STAG2: variants seen among roughly 807,000 people sequenced by gnomAD.
The protein encoded by STAG2 is cohesin subunit SA-2.
Under a neutral mutation model 108.1 loss-of-function variants are expected in STAG2, and 14 were observed. That is an observed-to-expected ratio of 0.13 (90% confidence interval 0.09 to 0.20). STAG2 has a LOEUF of 0.20. Among genes scored for constraint, STAG2 ranks in the 10% least tolerant of loss-of-function variants. The pLI, the probability that STAG2 is intolerant of heterozygous loss-of-function variation, is 1.00. For synonymous variants in STAG2, 307 were observed against 302.7 expected (o/e 1.01, Z -0.15); for missense variants, 440 against 940.9 (o/e 0.47, Z 6.96).
intron 15 of STAG2, 105 bp from the exon 16 acceptor site, chrX:124,061,119 T>C (rs2058364678): frequency 2.0e-6 from 1 of 511,918 alleles, no homozygotes; most frequent in East Asian, 3.8e-5. Flanking sequence ...AAAAAATAGA[T>C]TGCTGTTTGA....
intron 30 of STAG2, among the ~76,000 whole-genome samples, chrX:124,088,140 A>G (rs2059151256): frequency 9.0e-6 from 1 of 111,694 alleles, no homozygotes; most frequent in Non-Finnish European, 1.9e-5. Context: ...ACTAGTAGTT[A>G]ATAGTTATAG....
At chrX:124,026,137 T>TAAA (rs2057092243) in intron 4 of STAG2, among the ~76,000 whole-genome samples, 1 of 71,882 alleles carries the variant, frequency 1.4e-5, no homozygotes, top group South Asian at 6.1e-4. Context: ...CAAATAATAA[T>TAAA]AATAATAATA....
intron 1 of STAG2, among the ~76,000 whole-genome samples, chrX:123,997,833 G>T (rs1430349752): frequency 8.9e-6 from 1 of 111,899 alleles, no homozygotes; most frequent in East Asian, 2.8e-4. Context: ...TAGAGACAAG[G>T]TTTCACCATG....
Position 124,085,667 on chromosome X carries a change from CAGG to C in STAG2, c.3054-876_3054-874del, listed in dbSNP as rs749568577. 1.0e-4 allele frequency among the ~76,000 whole-genome samples: 11 copies of C among 106,893 alleles called. No homozygotes were observed. The East Asian group carries it at 2.6e-3, about 26-fold the overall frequency. The allele number at this position is 106,893 out of a possible 115,157, so 92.8% of individuals were successfully genotyped here. On this transcript the variant is annotated intron_variant, in intron 29 of 34. Transcript: ENST00000371145. ...GTGTGCACCTGTAATCCCAGCTACT[CAGG>C]AGGCCGAGGCAGGAGAATCGCTTGA... is the stretch of plus-strand genomic sequence containing the variant.
chrX:124,056,286 T>C, intron 14 of STAG2, 51 bp downstream of exon 14: 1 of 853,092 alleles, frequency 1.2e-6, no homozygotes, highest in African/African-American at 2.0e-5. Context: ...TTCATAACAG[T>C]AATTTGTTAT....
At position 124,071,256 on chromosome X, in the gene STAG2, G is replaced by A; in HGVS notation, c.2466G>A (p.Gln822=). 3 of 1,206,433 alleles carry A rather than the reference G, an allele frequency of 2.5e-6. No homozygotes were observed. The highest frequency in any genetic ancestry group is 3.4e-6 in the Non-Finnish European group (3 of 893,307). ...TGTATACCCCTGATTCTTCATTGCAGTCTGAGTTGCTCAGCTTTATTTTGG... is the reference window on the plus strand; with the variant it reads ...TGTATACCCCTGATTCTTCATTGCAATCTGAGTTGCTCAGCTTTATTTTGG... ...PLVYTPDSSL[Q]SELLSFILDH... is the part of the protein sequence containing the mutation. Residue 822 remains glutamine, a synonymous_variant, in exon 25 of 35, where the codon CAG becomes CAA. Transcript: ENST00000371145.
rs751481230 is a variant in STAG2 at position 123,979,808 on chromosome X, G to C, written c.-163+17952G>C. Among the ~76,000 whole-genome samples, 176 of 111,666 alleles carry C rather than the reference G, an allele frequency of 1.6e-3. 1 individual carries two copies. The highest frequency in any genetic ancestry group is 2.0e-3 in the Non-Finnish European group (108 of 53,137). On this transcript the variant is annotated intron_variant, in intron 1 of 34. Coordinates refer to ENST00000371145, the MANE Select transcript of STAG2 (RefSeq NM_001042750.2). ...TGACCATTTATAGTGTATTTGTGAT[G>C]ATCACAGCATAGAGCTTGATGTGAA...
At chrX:123,970,118 A>G (rs1260177440) in intron 1 of STAG2, among the ~76,000 whole-genome samples, 1 of 109,166 alleles carries the variant, frequency 9.2e-6, no homozygotes. Flanking sequence ...ATATGTTTAT[A>G]TTGATCATTC....
At chrX:124,039,221 T>C (rs181811206) in intron 6 of STAG2, among the ~76,000 whole-genome samples, 127 of 108,434 alleles carry the variant, frequency 1.2e-3, no homozygotes, top group African/African-American at 4.1e-3. Flanking sequence ...AGTGTCGTGA[T>C]CATGGCTCAC....
rs769864845 is a variant in STAG2 at position 124,086,562 on chromosome X, A to G, written c.3069A>G (p.Glu1023=). The change falls in exon 30 of 35, where the codon GAA becomes GAG. Residue 1023 remains glutamate, a synonymous_variant. Coordinates refer to ENST00000371145, the MANE Select transcript of STAG2 (RefSeq NM_001042750.2). ...QDKRTVYVYL[E]KFMTFQMSLR... is the part of the protein sequence containing the mutation. Reference sequence around the variant, plus strand: ...TCTTTTCAAGGTATGTTTACTTGGAAAAGTTCATGACCTTTCAGATGTCAC... The same window carrying G: ...TCTTTTCAAGGTATGTTTACTTGGAGAAGTTCATGACCTTTCAGATGTCAC... 10 of 1,205,467 alleles carry G rather than the reference A, an allele frequency of 8.3e-6. No homozygotes were observed. Among genetic ancestry groups the G allele is most frequent in the Non-Finnish European group, 1.1e-5 (10 of 892,343 alleles).
chrX:123,974,570 A>C, intron 1 of STAG2, among the ~76,000 whole-genome samples: 1 of 92,997 alleles, frequency 1.1e-5, no homozygotes, highest in Non-Finnish European at 2.1e-5. Context: ...CCAAAGGTTG[A>C]TACCTTCTTT....
At chrX:124,055,902 G>A (rs1301340025) in intron 13 of STAG2, among the ~76,000 whole-genome samples, 1 of 110,166 alleles carries the variant, frequency 9.1e-6, no homozygotes, top group East Asian at 2.8e-4. Context: ...TCTTTTAAAC[G>A]TTTATTTGTT....
chrX:124,059,045 G>A (rs1433795556), intron 15 of STAG2, among the ~76,000 whole-genome samples: 2 of 111,049 alleles, frequency 1.8e-5, no homozygotes, highest in African/African-American at 3.3e-5. Flanking sequence ...GCTTAGGTGC[G>A]GTGGCTGACG....
At position 124,015,271 on chromosome X, in the gene STAG2, C is replaced by A. The variant is rs930405024; in HGVS notation, c.-162-6096C>A. Among the ~76,000 whole-genome samples, 27 of 109,472 alleles carry A rather than the reference C, an allele frequency of 2.5e-4. No individual in the cohort carries two copies. In the Admixed American group the frequency reaches 2.7e-3, roughly 11 times the overall value. On this transcript the variant is annotated intron_variant, in intron 1 of 34. Coordinates refer to ENST00000371145, the MANE Select transcript of STAG2 (RefSeq NM_001042750.2). Reference sequence around the variant, plus strand: ...AAAGTGCTGGGATTACAGGTGTGAGCCACCGTGCCTGGCCTAGTTTGAAGT... The same window carrying A: ...AAAGTGCTGGGATTACAGGTGTGAGACACCGTGCCTGGCCTAGTTTGAAGT...
chrX:124,022,600 T>C lies in STAG2; in HGVS notation c.-28T>C. The C allele has an allele frequency of 8.7e-7, 1 of 1,153,243 alleles. No homozygotes were observed. The highest frequency in any genetic ancestry group is 1.2e-6 in the Non-Finnish European group (1 of 861,409). Reference sequence around the variant, plus strand: ...TAAATATATGAATATATTTCTGACATTGAGGTGTTCCAGAAGATGATAAAG... The same window carrying C: ...TAAATATATGAATATATTTCTGACACTGAGGTGTTCCAGAAGATGATAAAG... On this transcript the variant is annotated 5_prime_UTR_variant, in exon 3 of 35. Coordinates refer to ENST00000371145, the MANE Select transcript of STAG2 (RefSeq NM_001042750.2).
At chrX:124,010,228 A>G (rs775757694) in intron 1 of STAG2, among the ~76,000 whole-genome samples, 39 of 111,585 alleles carry the variant, frequency 3.5e-4, no homozygotes, top group African/African-American at 1.3e-3. Context: ...AAACAGATCT[A>G]CAGAAATTTT....
intron 1 of STAG2, among the ~76,000 whole-genome samples, chrX:124,015,687 G>A (rs2056697138): frequency 8.9e-6 from 1 of 112,288 alleles, no homozygotes; most frequent in Non-Finnish European, 1.9e-5. Context: ...TCTTGTTAAA[G>A]ATTGTTACTC....
chrX:123,976,253 G>A (rs995283103), intron 1 of STAG2, among the ~76,000 whole-genome samples: 2 of 111,726 alleles, frequency 1.8e-5, no homozygotes, highest in Non-Finnish European at 3.8e-5. Flanking sequence ...CAACCTGGGT[G>A]ACAGTAGTGA....
chrX:124,100,704 G>A lies in STAG2; in HGVS notation c.*107G>A. The A allele has an allele frequency of 1.5e-6, 1 of 648,605 alleles. No homozygotes were observed. Among genetic ancestry groups the A allele is most frequent in the Non-Finnish European group, 2.4e-6 (1 of 413,564 alleles). The allele number at this position is 648,605 out of a possible 1,213,427, so 53.5% of individuals were successfully genotyped here. A position where few individuals can be genotyped will look rare whatever the true frequency, so the allele number is the denominator to read the frequency against. ...TTCTGTACAGATTTTTCTCTAAGGA[G>A]AATATGACATGCTTATGCTTACCAA... On this transcript the variant is annotated 3_prime_UTR_variant, in exon 35 of 35. Transcript: ENST00000371145.
Sources: allele counts gnomAD v4.1 joint callset (sites outside exome capture counted in the v4.1 genomes callset), GRCh38; gene constraint gnomAD v4.1.1; transcripts MANE v1.5; gene names NCBI Gene and HGNC (gene_info 2026-07-23, HGNC 2026-07-21).